The following NR2F2 variants were observed in gnomAD, a reference collection of about 807,000 sequenced individuals.
NR2F2 encodes the protein nuclear receptor subfamily 2 group F member 2.
A neutral mutation model predicts 34.8 loss-of-function variants in NR2F2; 2 were observed. The observed-to-expected ratio is 0.06, with a 90% CI of 0.02 to 0.18. The LOEUF (loss-of-function observed/expected upper bound fraction) is 0.18. Ranked by LOEUF, NR2F2 falls within the 10% of genes least tolerant of loss-of-function variation. The probability of loss-of-function intolerance (pLI) is 1.00; values close to 1 mark genes in which losing one functional copy is unlikely to be tolerated. For synonymous variants in NR2F2, 274 were observed against 251.8 expected, an observed-to-expected ratio of 1.09 and a Z score of -0.84; for missense variants, 300 against 580.1, an observed-to-expected ratio of 0.52 and a Z score of 4.96.
chr15:96,326,914 C>G (rs1899004514), upstream of NR2F2: 1 of 152,898 alleles, frequency 6.5e-6, no homozygotes, highest in African/African-American at 2.4e-5. The surrounding 1 kb of genome is among the most constrained non-coding windows in gnomAD (Gnocchi z 5.5). Context: ...GGCGAGCGCT[C>G]GGTTAAGCTA....
At chr15:96,328,764 CT>C (rs58051222), upstream of NR2F2, among the ~76,000 whole-genome samples, 7,200 of 138,618 alleles carry the variant, frequency 0.052, 225 homozygotes, top group South Asian at 0.15. Flanking sequence ...GTTTGCTGGG[CT>C]TTTTTTTTTT....
chr15:96,334,152 C>T lies in NR2F2; in HGVS notation c.519C>T (p.Asn173=). 3.1e-6 allele frequency: 5 copies of T among 1,614,046 alleles called. No individual in the cohort carries two copies. Among genetic ancestry groups the T allele is most frequent in the African/African-American group, 2.7e-5 (2 of 75,082 alleles). ...CGCTGACCAACGGGGATCCCCTCAA[C>T]TGCCACTCGTACCTGTCCGGATATA... ...QFALTNGDPL[N]CHSYLSGYIS... The change falls in exon 2 of 3, where the codon AAC becomes AAT. Residue 173 remains asparagine (N), a synonymous_variant. Transcript: ENST00000394166.
In NR2F2 at chr15:96,331,826, C is replaced by T. The variant is rs1899154020; in HGVS notation, c.-280C>T. On this transcript the variant is annotated 5_prime_UTR_variant, in exon 1 of 3. Coordinates refer to ENST00000394166, the MANE Select transcript of NR2F2 (RefSeq NM_021005.4). ...CCCCTCCCCTCCCGGCGGAAAGCCC[C>T]CCGAAACCAACAAAGCTGAGCCGAG... 2.5e-6 allele frequency: 3 copies of T among 1,204,110 alleles called. No individual in the cohort carries two copies. Among genetic ancestry groups the T allele is most frequent in the Non-Finnish European group, 3.1e-6 (3 of 970,462 alleles). 74.6% of individuals were successfully genotyped at this position (1,204,110 alleles called of 1,614,324 possible).
chr15:96,331,492 C>G lies in NR2F2; in HGVS notation c.-614C>G. 8.1e-7 allele frequency: 1 copy of G among 1,231,058 alleles called. No individual in the cohort carries two copies. The highest frequency in any genetic ancestry group is 3.2e-5 in the East Asian group (1 of 31,654). 76.3% of individuals were successfully genotyped at this position (1,231,058 alleles called of 1,614,324 possible). On this transcript the variant is annotated 5_prime_UTR_variant, in exon 1 of 3. Transcript: ENST00000394166. The stretch of plus-strand genomic sequence containing the variant: ...TGATTTCGATGGCTTTCCTGAATGG[C>G]TGACTGTGGGCTGCCCTGGACTTGG...
In NR2F2 at chr15:96,337,473, C is replaced by A. The variant is rs1212982694; in HGVS notation, c.1096C>A (p.Arg366Ser). Residue 366 changes from arginine (R) to serine (S), a missense_variant, in exon 3 of 3, where the codon CGC (arginine) becomes AGC (serine). Around this residue, in one of 6 missense-constraint regions of NR2F2, gnomAD observed 164 missense variants for 365.3 expected, o/e 0.45. Transcript: ENST00000394166. ...QPTRFGKLLL[R>S]LPSLRTVSSS... ...GACGAGATTCGGAAAGCTTTTGCTT[C>A]GCCTCCCTTCCCTCCGCACCGTCTC... is the stretch of plus-strand genomic sequence containing the variant. 6.2e-7 allele frequency: 1 copy of A among 1,614,120 alleles called. No individual in the cohort carries two copies. Among genetic ancestry groups the A allele is most frequent in the Non-Finnish European group, 8.5e-7 (1 of 1,180,034 alleles).
In NR2F2 at chr15:96,332,124, A is replaced by G. The variant is rs901462929; in HGVS notation, c.19A>G (p.Thr7Ala). ...CATAGATATGGCAATGGTAGTCAGC[A>G]CGTGGCGCGACCCCCAGGACGAGGT... MAMVVS[T>A]WRDPQDEVPG... Residue 7 changes from threonine (T) to alanine (A), a missense_variant, in exon 1 of 3, where the codon ACG becomes GCG. This residue lies in a region of NR2F2 where 105 missense variants were observed against 107.8 expected (regional missense o/e 0.97). Transcript: ENST00000394166. The G allele has an allele frequency of 1.4e-4, 188 of 1,355,184 alleles. 1 individual carries two copies. The highest frequency in any genetic ancestry group is 1.7e-4 in the Non-Finnish European group (183 of 1,053,352). The allele number at this position is 1,355,184 out of a possible 1,614,324, so 83.9% of individuals were successfully genotyped here.
At chr15:96,328,666 T>G (rs887850026), upstream of NR2F2, among the ~76,000 whole-genome samples, 10 of 152,248 alleles carry the variant, frequency 6.6e-5, no homozygotes, top group African/African-American at 1.4e-4. Flanking sequence ...ATATTGTGTC[T>G]CTAATTAACC....
At chr15:96,336,477 A>G (rs1274012637) in intron 2 of NR2F2, among the ~76,000 whole-genome samples, 1 of 152,112 alleles carries the variant, frequency 6.6e-6, no homozygotes, top group African/African-American at 2.4e-5. Flanking sequence ...ATGACTCACA[A>G]TATGCATATG....
Position 96,333,843 on chromosome 15 carries a change from G to T in NR2F2, c.443-233G>T, listed in dbSNP as rs574770157. On this transcript the variant is annotated intron_variant, in intron 1 of 2. Transcript: ENST00000394166. The stretch of plus-strand genomic sequence containing the variant: ...TCTGGGTCCTCGGCGGACCAGCCCC[G>T]AGCGGGCCTCGGAGGCAAGTGTGCC... The T allele has an allele frequency of 8.7e-4, 1,228 of 1,418,262 alleles. 1 individual carries two copies. The highest frequency in any genetic ancestry group is 2.3e-3 in the Middle Eastern group (9 of 3,842). The allele number at this position is 1,418,262 out of a possible 1,614,324, so 87.9% of individuals were successfully genotyped here.
At position 96,334,976 on chromosome 15, in the gene NR2F2, A is replaced by G. The variant is rs1899280436; in HGVS notation, c.970+373A>G. Among the ~76,000 whole-genome samples the G allele has an allele frequency of 2.0e-5, 3 of 152,226 alleles. No homozygotes were observed. In the South Asian group the frequency reaches 6.2e-4, roughly 32 times the overall value. ...TCTCCTCAAGCCCTCGGTTTTCTCT[A>G]GCGCCCTGGCTGGGCCTCCAGGAGA... On this transcript the variant is annotated intron_variant, in intron 2 of 2. Transcript: ENST00000394166.
chr15:96,328,089 CTCT>C (rs1289385432), upstream of NR2F2, among the ~76,000 whole-genome samples: 1 of 152,100 alleles, frequency 6.6e-6, no homozygotes. Context: ...GTAGTCTTGT[CTCT>C]TCTTCTATGC....
At position 96,331,120 on chromosome 15, in the gene NR2F2, C is replaced by T; in HGVS notation, c.-986C>T. On this transcript the variant is annotated 5_prime_UTR_variant, in exon 1 of 3. Transcript: ENST00000394166. ...GCAGCGACTTCAGCGGCGGCGGCGG[C>T]GCTAGACGCAGCGGCTCCGGGCCCG... is the stretch of plus-strand genomic sequence containing the variant. 8.5e-7 allele frequency: 1 copy of T among 1,176,566 alleles called. No individual in the cohort carries two copies. Among genetic ancestry groups the T allele is most frequent in the Non-Finnish European group, 1.1e-6 (1 of 949,628 alleles). The allele number at this position is 1,176,566 out of a possible 1,614,324, so 72.9% of individuals were successfully genotyped here. A position where few individuals can be genotyped will look rare whatever the true frequency, so the allele number is the denominator to read the frequency against.
chr15:96,336,874 G>A (rs866642266), intron 2 of NR2F2, among the ~76,000 whole-genome samples: 4 of 152,202 alleles, frequency 2.6e-5, no homozygotes, highest in African/African-American at 9.6e-5. Flanking sequence ...GATCGTGGAC[G>A]CCATTACTCG....
At chr15:96,335,832 A>G (rs1490903521) in intron 2 of NR2F2, among the ~76,000 whole-genome samples, 1 of 152,226 alleles carries the variant, frequency 6.6e-6, no homozygotes, top group Non-Finnish European at 1.5e-5. Context: ...TGTCTTGTAC[A>G]TTGCTGCTTT....
At chr15:96,327,740 T>A (rs1035159378), upstream of NR2F2, among the ~76,000 whole-genome samples, 2 of 152,240 alleles carry the variant, frequency 1.3e-5, no homozygotes, top group East Asian at 1.9e-4. Context: ...CGGCATTTGC[T>A]GGGGTCTGTA....
rs1899459998 is a variant in NR2F2, at chr15:96,340,085, T to G, written c.*2463T>G. On this transcript the variant is annotated 3_prime_UTR_variant, in exon 3 of 3. Coordinates refer to ENST00000394166, the MANE Select transcript of NR2F2 (RefSeq NM_021005.4). The stretch of plus-strand genomic sequence containing the variant: ...ACCTTTAGTTCGAGGTTTTGTCGGT[T>G]GTTGTTGATTTTCTTCCTCTTGCAA... The G allele has an allele frequency of 6.6e-6, 1 of 152,150 alleles. No individual in the cohort carries two copies. Among genetic ancestry groups the G allele is most frequent in the African/African-American group, 2.4e-5 (1 of 41,412 alleles). The allele number at this position is 152,150 out of a possible 1,614,324, so 9.4% of individuals were successfully genotyped here. A position where few individuals can be genotyped will look rare whatever the true frequency, so the allele number is the denominator to read the frequency against.
upstream of NR2F2, among the ~76,000 whole-genome samples, chr15:96,328,911 A>C (rs1268336991): frequency 6.6e-6 from 1 of 152,188 alleles, no homozygotes; most frequent in Non-Finnish European, 1.5e-5. Context: ...ACCAGCCCCT[A>C]TCTGCCCAGA....
At chr15:96,328,092 T>C (rs187240038), upstream of NR2F2, among the ~76,000 whole-genome samples, 5 of 152,382 alleles carry the variant, frequency 3.3e-5, no homozygotes, top group Non-Finnish European at 7.3e-5. Flanking sequence ...GTCTTGTCTC[T>C]TCTTCTATGC....
chr15:96,337,677 T>A lies in NR2F2; in HGVS notation c.*55T>A, dbSNP rs1170266727. ...AGAGAAAGAAAAGGCAAAAGACTGG[T>A]TTGTTTGCTTAATTTCCTTCTGTTA... On this transcript the variant is annotated 3_prime_UTR_variant, in exon 3 of 3. Transcript: ENST00000394166. The A allele has an allele frequency of 2.6e-6, 4 of 1,539,366 alleles. No homozygotes were observed. In the East Asian group the frequency reaches 6.8e-5, roughly 26 times the overall value.
Sources: gnomAD v4.1 joint callset for allele counts (sites outside exome capture counted in the v4.1 genomes callset) on GRCh38, gnomAD v4.1.1 for gene constraint, gnomAD v4.1.1 regional missense constraint, Gnocchi (gnomAD v3.1) non-coding constraint, MANE v1.5 for transcripts, NCBI Gene and HGNC (gene_info 2026-07-23, HGNC 2026-07-21) for gene names.